The following PPP5C variants were observed in gnomAD, a reference collection of about 807,000 sequenced individuals.
PPP5C encodes the protein serine/threonine-protein phosphatase 5.
A neutral mutation model predicts 66.7 loss-of-function variants in PPP5C; 21 were observed. The ratio of observed to expected loss-of-function variants is 0.31; its 90% CI spans 0.22 to 0.45. PPP5C has a LOEUF of 0.45. Ranked by LOEUF, PPP5C falls within the 20% of genes least tolerant of loss-of-function variation. The pLI is 1.00. For synonymous variants in PPP5C, 246 were observed against 257.4 expected (o/e 0.96, Z 0.43); for missense variants, 464 against 675.9 (o/e 0.69, Z 3.48).
intron 9 of PPP5C, chr19:46,387,733 G>A (rs1214080271): frequency 5.9e-5 from 80 of 1,366,668 alleles, no homozygotes; most frequent in Non-Finnish European, 7.5e-5. Context: ...AACCCTGGAA[G>A]GAGGGGAGGT....
intron 2 of PPP5C, among the ~76,000 whole-genome samples, chr19:46,370,232 A>G (rs1972564431): frequency 1.3e-5 from 2 of 152,344 alleles, no homozygotes; most frequent in Non-Finnish European, 1.5e-5. Context: ...TTAGCTTAAA[A>G]CACACATATA....
chr19:46,355,151 C>T (rs958566619), intron 2 of PPP5C, among the ~76,000 whole-genome samples: 1 of 152,240 alleles, frequency 6.6e-6, no homozygotes, highest in African/African-American at 2.4e-5. Context: ...GGAGGCCTGG[C>T]CTCAGGGCCT....
Position 46,353,903 on chromosome 19 carries a change from A to G in PPP5C, c.277A>G (p.Lys93Glu). Residue 93 changes from lysine to glutamate, a missense_variant, in exon 2 of 13, where the codon AAG becomes GAG. By Grantham distance (56) the Lys-to-Glu change is moderately conservative. Transcript: ENST00000012443. ...GDATRAIELD[K>E]KYIKGYYRRA... ...CGCCACGCGGGCCATTGAGCTGGAC[A>G]AGAAGTACATCAAGGGTTATTACCG... The G allele has an allele frequency of 6.2e-7, 1 of 1,605,952 alleles. No homozygotes were observed. Among genetic ancestry groups the G allele is most frequent in the Non-Finnish European group, 8.5e-7 (1 of 1,176,704 alleles).
At position 46,388,482 on chromosome 19, in the gene PPP5C, G is replaced by A. The variant is rs1393873614; in HGVS notation, c.1176+34G>A. The stretch of plus-strand genomic sequence containing the variant: ...AGGGTGGGGTGCAGGGCCGGCGGGT[G>A]TGGGCTGTGGCAGCAGGTGGAGGCA... On this transcript the variant is annotated intron_variant, in intron 10 of 12. Transcript: ENST00000012443. This position sits in a 1 kb window ranked among gnomAD's most constrained non-coding sequence, Gnocchi z 4.9. The A allele has an allele frequency of 3.1e-6, 5 of 1,610,426 alleles. No homozygotes were observed. The highest frequency in any genetic ancestry group is 1.7e-4 in the Middle Eastern group (1 of 6,046).
rs370192243 is a variant in PPP5C, at chr19:46,384,871, T to A, written c.866T>A (p.Phe289Tyr). The A allele has an allele frequency of 1.2e-6, 2 of 1,614,178 alleles. No individual in the cohort carries two copies. Among genetic ancestry groups the A allele is most frequent in the African/African-American group, 2.7e-5 (2 of 75,060 alleles). ...SVEVILTLFG[F>Y]KLLYPDHFHL... Reference sequence around the variant, plus strand: ...GAAGTGATCCTCACCCTTTTCGGCTTCAAGCTCCTGTACCCAGATCACTTT... The same window carrying A: ...GAAGTGATCCTCACCCTTTTCGGCTACAAGCTCCTGTACCCAGATCACTTT... The change falls in exon 7 of 13, where the codon TTC (phenylalanine) becomes TAC (tyrosine). Residue 289 changes from phenylalanine to tyrosine, a missense_variant. This residue lies in a region of PPP5C where 387 missense variants were observed against 626.0 expected (regional missense o/e 0.62). Coordinates refer to ENST00000012443, the MANE Select transcript of PPP5C (RefSeq NM_006247.4).
At chr19:46,356,865 G>A (rs1385953879) in intron 2 of PPP5C, among the ~76,000 whole-genome samples, 1 of 152,194 alleles carries the variant, frequency 6.6e-6, no homozygotes, top group Non-Finnish European at 1.5e-5. Flanking sequence ...AGAGTCTGCG[G>A]TCACCAGTGC....
intron 2 of PPP5C, among the ~76,000 whole-genome samples, chr19:46,366,143 C>T (rs1972486724): frequency 6.6e-6 from 1 of 152,110 alleles, no homozygotes; most frequent in Admixed American, 6.5e-5. Context: ...TGGTACTGAG[C>T]ATCGAGTCCA....
Position 46,388,379 on chromosome 19 carries a change from T to A in PPP5C, c.1136-29T>A. On this transcript the variant is annotated intron_variant, in intron 9 of 12. Coordinates refer to ENST00000012443, the MANE Select transcript of PPP5C (RefSeq NM_006247.4). The surrounding 1 kb of genome is among the most constrained non-coding windows in gnomAD (Gnocchi z 4.9). The stretch of plus-strand genomic sequence containing the variant: ...GACCACCCCCGGGGAGGTGGACGAG[T>A]CCCTAATGTTTCCCTCGCTCCCCAC... The A allele has an allele frequency of 6.2e-7, 1 of 1,601,766 alleles. No individual in the cohort carries two copies. The highest frequency in any genetic ancestry group is 8.5e-7 in the Non-Finnish European group (1 of 1,172,424).
intron 1 of PPP5C, among the ~76,000 whole-genome samples, chr19:46,347,861 T>C (rs1476578623): frequency 1.3e-5 from 2 of 151,832 alleles, no homozygotes; most frequent in Admixed American, 6.6e-5. Flanking sequence ...AGGACTGTGC[T>C]TGACTTTGGG....
At chr19:46,359,635 C>T (rs1243841447) in intron 2 of PPP5C, among the ~76,000 whole-genome samples, 3 of 152,114 alleles carry the variant, frequency 2.0e-5, no homozygotes, top group African/African-American at 7.2e-5. Flanking sequence ...ACCAAAGACA[C>T]TAATAATAGC....
Position 46,376,386 on chromosome 19 carries a change from C to G in PPP5C, c.512-67C>G. On this transcript the variant is annotated intron_variant, in intron 3 of 12. Coordinates refer to ENST00000012443, the MANE Select transcript of PPP5C (RefSeq NM_006247.4). This position sits in a 1 kb window ranked among gnomAD's most constrained non-coding sequence, Gnocchi z 5.1. ...CCCAAGTTTTCCCCATCCCTGGGAGCGAGACCCCCTTCTCCCTCATAGTGG... is the reference window on the plus strand; with the variant it reads ...CCCAAGTTTTCCCCATCCCTGGGAGGGAGACCCCCTTCTCCCTCATAGTGG... The G allele has an allele frequency of 6.3e-7, 1 of 1,576,472 alleles. No individual in the cohort carries two copies. The highest frequency in any genetic ancestry group is 8.6e-7 in the Non-Finnish European group (1 of 1,156,108).
rs1484380668 is a variant in PPP5C at position 46,375,636 on chromosome 19, C to T, written c.396C>T (p.Ala132=). ...AGGTGAAGCCCCATGACAAGGATGC[C>T]AAAATGAAATACCAGGAGTGCAACA... ...VVKVKPHDKD[A]KMKYQECNKI... is the part of the protein sequence containing the mutation. Residue 132 remains alanine, a synonymous_variant, in exon 3 of 13, where the codon GCC becomes GCT. Transcript: ENST00000012443. The T allele has an allele frequency of 6.2e-6, 10 of 1,613,966 alleles. No homozygotes were observed. Among genetic ancestry groups the T allele is most frequent in the Non-Finnish European group, 8.5e-6 (10 of 1,179,986 alleles).
At chr19:46,358,706 C>A (rs528447545) in intron 2 of PPP5C, among the ~76,000 whole-genome samples, 15 of 152,212 alleles carry the variant, frequency 9.9e-5, no homozygotes, top group Middle Eastern at 3.4e-3. Context: ...CGTTTAAAGA[C>A]AAAAGGATAA....
At chr19:46,368,535 T>G (rs915811050) in intron 2 of PPP5C, among the ~76,000 whole-genome samples, 7 of 152,226 alleles carry the variant, frequency 4.6e-5, no homozygotes, top group African/African-American at 1.7e-4. Flanking sequence ...TTAATGAAAT[T>G]TTTATTAATT....
chr19:46,348,042 G>C (rs1972115685), intron 1 of PPP5C, among the ~76,000 whole-genome samples: 1 of 152,036 alleles, frequency 6.6e-6, no homozygotes, highest in African/African-American at 2.4e-5. Context: ...TAGAGAATAA[G>C]GGTTGGAGGC....
chr19:46,390,212 G>C, intron 12 of PPP5C, 72 bp from the exon 13 acceptor site: 1 of 1,606,578 alleles, frequency 6.2e-7, no homozygotes, highest in Non-Finnish European at 8.5e-7. Context: ...AGGGGCAGGG[G>C]TAGGTTCTGC....
In PPP5C at chr19:46,376,449, C is replaced by G. The variant is rs201121180; in HGVS notation, c.512-4C>G. 1.9e-6 allele frequency: 3 copies of G among 1,613,260 alleles called. No individual in the cohort carries two copies. On this transcript the variant is annotated splice_polypyrimidine_tract_variant and splice_region_variant and intron_variant, in intron 3 of 12. Transcript: ENST00000012443. This position sits in a 1 kb window ranked among gnomAD's most constrained non-coding sequence, Gnocchi z 5.1. ...ACTCTCGTGTCCCGTTGTTCACACC[C>G]TAGCCATTGAGGATGAGTACAGCGG...
chr19:46,386,994 A>G, intron 7 of PPP5C, 99 bp from the exon 8 acceptor site: 1 of 1,550,840 alleles, frequency 6.4e-7, no homozygotes, highest in Non-Finnish European at 8.8e-7. Context: ...CCATGGGGGC[A>G]AGGGACGCAT....
chr19:46,363,233 G>A (rs1972424639), intron 2 of PPP5C, among the ~76,000 whole-genome samples: 1 of 118,452 alleles, frequency 8.4e-6, no homozygotes. Flanking sequence ...GCGTGAACCC[G>A]GGAGGCGGAG....
Sources: allele counts gnomAD v4.1 joint callset (sites outside exome capture counted in the v4.1 genomes callset), GRCh38; gene constraint gnomAD v4.1.1; regional missense constraint gnomAD v4.1.1; non-coding constraint Gnocchi (gnomAD v3.1); transcripts MANE v1.5; gene names NCBI Gene and HGNC (gene_info 2026-07-23, HGNC 2026-07-21).